The following SLC36A1 variants were observed in gnomAD, a reference collection of about 807,000 sequenced individuals.
The protein encoded by SLC36A1 is proton-coupled amino acid transporter 1.
A neutral mutation model predicts 47.5 loss-of-function variants in SLC36A1; 30 were observed. The observed-to-expected ratio is 0.63, with a 90% CI of 0.47 to 0.86. SLC36A1 has a LOEUF of 0.86. Ranked by LOEUF, SLC36A1 falls within the 40% of genes least tolerant of loss-of-function variation. The pLI, the probability that SLC36A1 is intolerant of heterozygous loss-of-function variation, is 0.00. For missense variants in SLC36A1, 517 were observed against 606.0 expected (o/e 0.85, Z 1.54); for synonymous variants, 255 against 249.7 (o/e 1.02, Z -0.20).
chr5:151,528,180 C>T, the SLC36A1 span: 76,303 of 1,604,356 alleles, frequency 0.048, 1,981 homozygotes, highest in African/African-American at 0.051. Flanking sequence ...GGAATCTTGA[C>T]CCCTGGGAGT....
At chr5:151,369,391 C>T in the SLC36A1 span, among the ~76,000 whole-genome samples, 3,532 of 152,316 alleles carry the variant, frequency 0.023, 127 homozygotes, top group African/African-American at 0.075. Context: ...TCTAACACAC[C>T]CCTGAAAGGG....
At chr5:151,537,277 T>TGGAGGA in the SLC36A1 span, among the ~76,000 whole-genome samples, 1 of 132,874 alleles carries the variant, frequency 7.5e-6, no homozygotes, top group Admixed American at 7.6e-5. Flanking sequence ...ATGGTGGTGG[T>TGGAGGA]GGAGGAGGAG....
At chr5:151,449,619 T>C (rs997298271) in intron 1 of SLC36A1, among the ~76,000 whole-genome samples, 26 of 152,210 alleles carry the variant, frequency 1.7e-4, no homozygotes, top group Admixed American at 1.0e-3. Flanking sequence ...AGGGATTCCA[T>C]TTATTTTATA....
chr5:151,466,022 T>G (rs1756315717), intron 5 of SLC36A1, among the ~76,000 whole-genome samples: 1 of 152,210 alleles, frequency 6.6e-6, no homozygotes, highest in Admixed American at 6.5e-5. Flanking sequence ...GAAACTTACT[T>G]TCATTCATAG....
the SLC36A1 span, among the ~76,000 whole-genome samples, chr5:151,396,812 T>C: frequency 6.6e-6 from 1 of 152,232 alleles, no homozygotes; most frequent in Non-Finnish European, 1.5e-5. Context: ...GGCACTGTTA[T>C]CCCATTTTAC....
At chr5:151,456,980 C>A (rs1367597959) in intron 1 of SLC36A1, among the ~76,000 whole-genome samples, 1 of 152,148 alleles carries the variant, frequency 6.6e-6, no homozygotes, top group African/African-American at 2.4e-5. Flanking sequence ...AGATAGAGTG[C>A]CCAGGCTTAA....
chr5:151,505,474 A>G, the SLC36A1 span: 3 of 1,503,562 alleles, frequency 2.0e-6, no homozygotes, highest in Admixed American at 4.1e-5. Context: ...CCACTCTCCC[A>G]GCCACACTCA....
the SLC36A1 span, among the ~76,000 whole-genome samples, chr5:151,535,337 C>A: frequency 6.6e-6 from 1 of 152,072 alleles, no homozygotes; most frequent in Non-Finnish European, 1.5e-5. Context: ...AGATTCCCAT[C>A]TTTCCCCCCT....
chr5:151,444,366 T>C (rs76452444), upstream of SLC36A1, among the ~76,000 whole-genome samples: 932 of 152,336 alleles, frequency 6.1e-3, 18 homozygotes, highest in East Asian at 0.07. Context: ...TAGTTTTCAG[T>C]GTACACCCTA....
chr5:151,506,119 G>C, the SLC36A1 span: 1 of 1,496,710 alleles, frequency 6.7e-7, no homozygotes, highest in Non-Finnish European at 8.8e-7. Context: ...CAGCAAGATA[G>C]GGTGAGCTCA....
At chr5:151,523,580 T>G in the SLC36A1 span, among the ~76,000 whole-genome samples, 1 of 152,170 alleles carries the variant, frequency 6.6e-6, no homozygotes, top group South Asian at 2.1e-4. Context: ...ACGGGACCAA[T>G]GCAATTGATG....
chr5:151,413,647 T>A, the SLC36A1 span, among the ~76,000 whole-genome samples: 3 of 152,190 alleles, frequency 2.0e-5, no homozygotes, highest in Non-Finnish European at 4.4e-5. Context: ...AGACCTTTTA[T>A]ATTTTATAGT....
the SLC36A1 span, among the ~76,000 whole-genome samples, chr5:151,397,499 C>T: frequency 6.6e-6 from 1 of 152,128 alleles, no homozygotes; most frequent in Non-Finnish European, 1.5e-5. Context: ...GTAAGAATGT[C>T]AAGTGGGTAG....
chr5:151,479,498 A>G lies in SLC36A1; in HGVS notation c.1159+9A>G. 1 of 1,608,394 alleles carries G rather than the reference A, an allele frequency of 6.2e-7. No individual in the cohort carries two copies. ...GCTGGTCTGCCTGACATGTGAGTAG[A>G]AGATGATAATTGCCTTGCTTGTTTT... is the stretch of plus-strand genomic sequence containing the variant. On this transcript the variant is annotated intron_variant, in intron 10 of 10. Coordinates refer to ENST00000243389, the MANE Select transcript of SLC36A1 (RefSeq NM_078483.4).
chr5:151,347,450 G>A, the SLC36A1 span: 1 of 1,614,008 alleles, frequency 6.2e-7, no homozygotes, highest in Non-Finnish European at 8.5e-7. Context: ...AGTACTTTTT[G>A]TCACAGACAT....
the SLC36A1 span, chr5:151,531,852 T>G: frequency 6.2e-7 from 1 of 1,613,662 alleles, no homozygotes; most frequent in Non-Finnish European, 8.5e-7. This position sits in a 1 kb window ranked among gnomAD's most constrained non-coding sequence, Gnocchi z 5.7. Context: ...TGAGCTCCAG[T>G]GGTGCCTGGG....
At chr5:151,420,804 A>G in the SLC36A1 span, among the ~76,000 whole-genome samples, 1 of 152,058 alleles carries the variant, frequency 6.6e-6, no homozygotes, top group Non-Finnish European at 1.5e-5. Flanking sequence ...AAATATATTT[A>G]TAAATAATAA....
At chr5:151,441,147 G>A (rs1232011925) in intron 1 of SLC36A1, among the ~76,000 whole-genome samples, 5 of 152,176 alleles carry the variant, frequency 3.3e-5, no homozygotes, top group Non-Finnish European at 7.4e-5. Flanking sequence ...AAAACAGAAT[G>A]CATGCTAGTG....
At chr5:151,540,535 A>C in the SLC36A1 span, 4 of 1,579,812 alleles carry the variant, frequency 2.5e-6, no homozygotes, top group Admixed American at 1.7e-5. Flanking sequence ...CCTTGCCTTC[A>C]CTACCCACTC....
Sources: gnomAD v4.1 joint callset for allele counts (sites outside exome capture counted in the v4.1 genomes callset) on GRCh38, gnomAD v4.1.1 for gene constraint, Gnocchi (gnomAD v3.1) non-coding constraint, MANE v1.5 for transcripts, NCBI Gene and HGNC (gene_info 2026-07-23, HGNC 2026-07-21) for gene names.